Variants in NRXN1 observed in about 807,000 individuals in gnomAD.
The protein encoded by NRXN1 is neurexin 1, also known as neurexin-1.
Under a neutral mutation model 150.9 loss-of-function variants are expected in NRXN1, and 39 were observed. The ratio of observed to expected loss-of-function variants is 0.26; its 90% CI spans 0.20 to 0.34. The LOEUF (loss-of-function observed/expected upper bound fraction) is 0.34, where lower values mean the gene tolerates loss of function less well. Among genes scored for constraint, NRXN1 ranks in the 10% least tolerant of loss-of-function variants. NRXN1 has a pLI of 1.00. For synonymous variants in NRXN1, 924 were observed against 757.0 expected, an observed-to-expected ratio of 1.22 and a Z score of -3.62; for missense variants, 1,815 against 1,949.9, an observed-to-expected ratio of 0.93 and a Z score of 1.30.
intron 18 of NRXN1, among the ~76,000 whole-genome samples, chr2:50,213,237 T>A (rs909199003): frequency 5.3e-5 from 8 of 151,828 alleles, no homozygotes; most frequent in Non-Finnish European, 1.2e-4. Context: ...CTAGGCACGG[T>A]TTTAGGTGCT....
chr2:50,121,959 G>C (rs181437354), intron 18 of NRXN1, among the ~76,000 whole-genome samples: 2 of 152,062 alleles, frequency 1.3e-5, no homozygotes. Context: ...ACCTGCAAAG[G>C]CAATTTTCTT....
At chr2:50,458,307 G>C (rs1223184663) in intron 17 of NRXN1, among the ~76,000 whole-genome samples, 1 of 152,138 alleles carries the variant, frequency 6.6e-6, no homozygotes, top group East Asian at 1.9e-4. Context: ...TGGAGAGGAT[G>C]AAGAGGGGTT....
At chr2:51,026,461 AT>A in intron 2 of NRXN1, 1 of 1,598,020 alleles carries the variant, frequency 6.3e-7, no homozygotes. Flanking sequence ...TGAAGACCGA[AT>A]TTTATTTCTA....
intron 18 of NRXN1, among the ~76,000 whole-genome samples, chr2:50,195,360 A>G (rs1207180493): frequency 6.6e-6 from 1 of 152,158 alleles, no homozygotes; most frequent in African/African-American, 2.4e-5. Flanking sequence ...TGCTTCATGC[A>G]TGATCTTTAC....
chr2:50,868,947 A>G (rs1330501354), intron 5 of NRXN1, among the ~76,000 whole-genome samples: 3 of 151,908 alleles, frequency 2.0e-5, no homozygotes, highest in African/African-American at 7.2e-5. Flanking sequence ...CCTAAATGCC[A>G]ACTTGGAGAT....
chr2:50,986,537 T>C (rs1697739329), intron 2 of NRXN1, among the ~76,000 whole-genome samples: 2 of 151,848 alleles, frequency 1.3e-5, no homozygotes, highest in East Asian at 1.9e-4. Flanking sequence ...TGTTGTTACA[T>C]TGTGAATACT....
intron 5 of NRXN1, among the ~76,000 whole-genome samples, chr2:50,840,143 T>G (rs1331218670): frequency 1.3e-5 from 2 of 152,178 alleles, no homozygotes; most frequent in East Asian, 3.9e-4. Flanking sequence ...ATAGTCTCAT[T>G]ATTTAGATCA....
chr2:50,364,290 T>C (rs1216170357), intron 17 of NRXN1, among the ~76,000 whole-genome samples: 9 of 152,140 alleles, frequency 5.9e-5, no homozygotes, highest in Non-Finnish European at 1.3e-4. Flanking sequence ...ACTACATAGT[T>C]TAATGGCCAG....
At position 50,377,370 on chromosome 2, in the gene NRXN1, A is replaced by G. The variant is rs1053816586; in HGVS notation, c.3364+88072T>C. On this transcript the variant is annotated intron_variant, in intron 17 of 22. Coordinates refer to ENST00000401669, the MANE Select transcript of NRXN1 (RefSeq NM_001330078.2). ...GTGTTTGGTTTTCTGTTCCTGTGTT[A>G]CTGTGCTGAGGATAATGGCTTCCAG... Among the ~76,000 whole-genome samples, 3 of 152,064 alleles carry G rather than the reference A, an allele frequency of 2.0e-5. No homozygotes were observed. The East Asian group carries it at 5.8e-4, about 29-fold the overall frequency.
chr2:50,206,507 T>G (rs530212932), intron 18 of NRXN1, among the ~76,000 whole-genome samples: 2 of 151,950 alleles, frequency 1.3e-5, no homozygotes, highest in Non-Finnish European at 2.9e-5. Context: ...TTGGAGAGCC[T>G]AATTCCATTC....
At chr2:50,856,389 G>T (rs1574721974) in intron 5 of NRXN1, among the ~76,000 whole-genome samples, 2 of 152,090 alleles carry the variant, frequency 1.3e-5, no homozygotes, top group Non-Finnish European at 2.9e-5. Context: ...TTGCAGCACT[G>T]TAAATTTATG....
chr2:50,531,665 CT>C (rs1006263040), intron 10 of NRXN1, among the ~76,000 whole-genome samples: 4 of 151,098 alleles, frequency 2.6e-5, no homozygotes, highest in East Asian at 1.9e-4. Context: ...TCAGCAGTTC[CT>C]TTTTTTTTGT....
At chr2:50,702,550 A>AT (rs34515915) in intron 5 of NRXN1, among the ~76,000 whole-genome samples, 52,276 of 151,800 alleles carry the variant, frequency 0.34, 9,761 homozygotes, top group East Asian at 0.57. Context: ...TATTCATAGC[A>AT]TTTTTTTGAA....
intron 17 of NRXN1, among the ~76,000 whole-genome samples, chr2:50,329,673 ATTT>A (rs749453098): frequency 1.2e-3 from 35 of 28,802 alleles, no homozygotes; most frequent in African/African-American, 4.9e-3. Flanking sequence ...ATATATATAT[ATTT>A]TTTTTTTTCC....
At chr2:50,677,687 T>G (rs1447456541) in intron 5 of NRXN1, among the ~76,000 whole-genome samples, 3 of 152,148 alleles carry the variant, frequency 2.0e-5, no homozygotes. Flanking sequence ...TGTTTTGTGT[T>G]AAACCCTAGT....
intron 5 of NRXN1, among the ~76,000 whole-genome samples, chr2:50,813,059 C>T (rs893865218): frequency 6.6e-6 from 1 of 151,884 alleles, no homozygotes; most frequent in Non-Finnish European, 1.5e-5. Context: ...GCCATTGGAG[C>T]AGTGCATGCC....
intron 17 of NRXN1, among the ~76,000 whole-genome samples, chr2:50,451,569 T>C (rs1294035378): frequency 1.3e-5 from 2 of 152,188 alleles, no homozygotes; most frequent in African/African-American, 2.4e-5. Flanking sequence ...TTCCTCATTT[T>C]TGCAATTTCT....
chr2:50,355,252 T>C (rs951796415), intron 17 of NRXN1, among the ~76,000 whole-genome samples: 1 of 141,574 alleles, frequency 7.1e-6, no homozygotes. Flanking sequence ...ATTATATATA[T>C]ATACATATAT....
chr2:50,346,582 C>T lies in NRXN1; in HGVS notation c.3365-109612G>A. Reference sequence around the variant, plus strand: ...ACCAAGCACACCCAAATGCACCTCCCTTTTGTCGAGCTCCCATTTCTCTGA... The same window carrying T: ...ACCAAGCACACCCAAATGCACCTCCTTTTTGTCGAGCTCCCATTTCTCTGA... On this transcript the variant is annotated intron_variant, in intron 17 of 22. Coordinates refer to ENST00000401669, the MANE Select transcript of NRXN1 (RefSeq NM_001330078.2). This position sits in a 1 kb window ranked among gnomAD's most constrained non-coding sequence, Gnocchi z 5.0. The T allele has an allele frequency of 8.2e-7, 1 of 1,212,214 alleles. No individual in the cohort carries two copies. 75.1% of individuals were successfully genotyped at this position (1,212,214 alleles called of 1,614,324 possible). A position where few individuals can be genotyped will look rare whatever the true frequency, so the allele number is the denominator to read the frequency against.
Sources: allele counts gnomAD v4.1 joint callset (sites outside exome capture counted in the v4.1 genomes callset), GRCh38; gene constraint gnomAD v4.1.1; non-coding constraint Gnocchi (gnomAD v3.1); transcripts MANE v1.5; gene names NCBI Gene and HGNC (gene_info 2026-07-23, HGNC 2026-07-21).